The following RARB variants were observed in gnomAD, a reference collection of about 807,000 sequenced individuals.
RARB encodes HBV-activated protein.
In RARB, 17 loss-of-function variants were observed where a neutral mutation model predicts 51.9. The ratio of observed to expected loss-of-function variants is 0.33; its 90% CI spans 0.22 to 0.49. The LOEUF (loss-of-function observed/expected upper bound fraction) is 0.49. Among genes scored for constraint, RARB ranks in the 20% least tolerant of loss-of-function variants. The probability of loss-of-function intolerance (pLI) is 0.99; values close to 1 mark genes in which losing one functional copy is unlikely to be tolerated. For missense variants in RARB, 369 were observed against 550.8 expected, an observed-to-expected ratio of 0.67 and a Z score of 3.30; for synonymous variants, 215 against 195.4, an observed-to-expected ratio of 1.10 and a Z score of -0.84.
chr3:25,537,614 CTG>C (rs1699194514), intron 3 of RARB, among the ~76,000 whole-genome samples: 1 of 152,058 alleles, frequency 6.6e-6, no homozygotes, highest in Non-Finnish European at 1.5e-5. Context: ...AATGAGGGGA[CTG>C]TGGGTTTTAG....
intron 2 of RARB, among the ~76,000 whole-genome samples, chr3:24,885,100 C>A (rs746233897): frequency 6.6e-6 from 1 of 152,074 alleles, no homozygotes; most frequent in African/African-American, 2.4e-5. Flanking sequence ...AGAATTACTA[C>A]ATAATTTATT....
chr3:24,971,077 A>G (rs1161410358), intron 2 of RARB, among the ~76,000 whole-genome samples: 1 of 151,970 alleles, frequency 6.6e-6, no homozygotes, highest in Non-Finnish European at 1.5e-5. Flanking sequence ...CATGGATATC[A>G]CTTTAAATAT....
intron 5 of RARB, among the ~76,000 whole-genome samples, chr3:25,356,873 C>CATACT (rs1705757775): frequency 6.6e-6 from 1 of 152,128 alleles, no homozygotes; most frequent in Admixed American, 6.6e-5. Context: ...CATAGTATTC[C>CATACT]ATGGTGTATA....
chr3:25,452,460 C>T (rs1297463243), intron 1 of RARB, among the ~76,000 whole-genome samples: 2 of 152,114 alleles, frequency 1.3e-5, no homozygotes, highest in Non-Finnish European at 2.9e-5. Context: ...TACTCTCTTT[C>T]TAAGGCCCAA....
chr3:24,900,422 T>C lies in RARB; in HGVS notation c.-380+41670T>C, dbSNP rs992604890. Among the ~76,000 whole-genome samples the C allele has an allele frequency of 5.3e-5, 8 of 152,238 alleles. No individual in the cohort carries two copies. The South Asian group carries it at 1.7e-3, about 32-fold the overall frequency. On this transcript the variant is annotated intron_variant, in intron 2 of 11. Transcript: ENST00000383772. ...CTTTTCCATTTTACAATCGATTCTC[T>C]CATTCCCTTAATGAACCTTTGCATT...
intron 5 of RARB, among the ~76,000 whole-genome samples, chr3:25,281,130 C>T (rs1220992840): frequency 6.6e-6 from 1 of 152,166 alleles, no homozygotes; most frequent in Non-Finnish European, 1.5e-5. Flanking sequence ...AATCCACTCT[C>T]TTGACTGGAA....
At chr3:24,976,860 C>A (rs1323895641) in intron 2 of RARB, among the ~76,000 whole-genome samples, 4 of 152,110 alleles carry the variant, frequency 2.6e-5, no homozygotes, top group Non-Finnish European at 5.9e-5. Context: ...AATGGTATTG[C>A]CTAGGTTTTC....
At chr3:25,552,723 G>T (rs1699897247) in intron 3 of RARB, among the ~76,000 whole-genome samples, 1 of 141,094 alleles carries the variant, frequency 7.1e-6, no homozygotes, top group Non-Finnish European at 1.5e-5. Flanking sequence ...TATGATAAAG[G>T]TAATGAAAGA....
chr3:25,395,012 T>A, intron 5 of RARB, among the ~76,000 whole-genome samples: 1 of 152,220 alleles, frequency 6.6e-6, no homozygotes, highest in East Asian at 1.9e-4. Context: ...GTGGGATTTA[T>A]GCTTCAAGGA....
intron 4 of RARB, among the ~76,000 whole-genome samples, chr3:25,156,317 A>C (rs940311212): frequency 8.5e-5 from 13 of 152,154 alleles, no homozygotes; most frequent in African/African-American, 3.1e-4. Flanking sequence ...GCCCATTTCT[A>C]TGCCAATGTG....
intron 2 of RARB, among the ~76,000 whole-genome samples, chr3:24,947,588 G>T (rs1045560348): frequency 5.3e-5 from 8 of 152,146 alleles, no homozygotes; most frequent in African/African-American, 1.7e-4. Context: ...TTTTGCAGCT[G>T]CAAGGAAGGC....
intron 5 of RARB, among the ~76,000 whole-genome samples, chr3:25,198,990 T>A (rs1701316071): frequency 6.6e-6 from 1 of 152,020 alleles, no homozygotes; most frequent in Non-Finnish European, 1.5e-5. Flanking sequence ...ATATCTGCAT[T>A]CTCATGTTTA....
At chr3:25,558,498 A>G (rs1700145366) in intron 3 of RARB, among the ~76,000 whole-genome samples, 2 of 142,252 alleles carry the variant, frequency 1.4e-5, no homozygotes, top group African/African-American at 5.1e-5. Flanking sequence ...CCCATCAACT[A>G]CTAGCAATTC....
chr3:25,243,255 CAG>C (rs1475914089), intron 5 of RARB, among the ~76,000 whole-genome samples: 2 of 152,158 alleles, frequency 1.3e-5, no homozygotes, highest in Non-Finnish European at 2.9e-5. Context: ...CATCTGAAAA[CAG>C]AGATAATTTG....
chr3:25,390,944 G>A (rs1242836578), intron 5 of RARB, among the ~76,000 whole-genome samples: 1 of 151,952 alleles, frequency 6.6e-6, no homozygotes, highest in Non-Finnish European at 1.5e-5. Flanking sequence ...GGCGGTGTTT[G>A]GTTACATGAA....
chr3:25,576,465 C>T (rs1700936522), intron 4 of RARB, among the ~76,000 whole-genome samples: 3 of 152,158 alleles, frequency 2.0e-5, no homozygotes. Context: ...ACCCACCACC[C>T]CACCCCTGCA....
At chr3:25,292,143 C>T (rs1030828025) in intron 5 of RARB, among the ~76,000 whole-genome samples, 15 of 152,018 alleles carry the variant, frequency 9.9e-5, no homozygotes, top group African/African-American at 3.6e-4. Context: ...TGCTGATGAG[C>T]AGAGTTGGCT....
intron 2 of RARB, among the ~76,000 whole-genome samples, chr3:24,932,411 G>A (rs1695459725): frequency 6.6e-6 from 1 of 152,074 alleles, no homozygotes; most frequent in African/African-American, 2.4e-5. Context: ...TTTGTGTAGG[G>A]ACATCTACTA....
At chr3:25,317,777 A>G (rs1039129194) in intron 5 of RARB, among the ~76,000 whole-genome samples, 8 of 152,222 alleles carry the variant, frequency 5.3e-5, no homozygotes, top group Non-Finnish European at 1.2e-4. Flanking sequence ...AACTATTAGT[A>G]AAAGAATGTC....
Sources: gnomAD v4.1 joint callset for allele counts (sites outside exome capture counted in the v4.1 genomes callset) on GRCh38, gnomAD v4.1.1 for gene constraint, MANE v1.5 for transcripts, NCBI Gene and HGNC (gene_info 2026-07-23, HGNC 2026-07-21) for gene names.